The following SRSF4 variants were observed in gnomAD, a reference collection of about 807,000 sequenced individuals.
SRSF4 encodes serine/arginine-rich splicing factor 4.
A neutral mutation model predicts 48.8 loss-of-function variants in SRSF4; 12 were observed. The ratio of observed to expected loss-of-function variants is 0.25; its 90% CI spans 0.16 to 0.40. The LOEUF is 0.40. Ranked by LOEUF, SRSF4 falls within the 10% of genes least tolerant of loss-of-function variation. The pLI, the probability that SRSF4 is intolerant of heterozygous loss-of-function variation, is 1.00. For synonymous variants in SRSF4, 248 were observed against 232.5 expected, an observed-to-expected ratio of 1.07 and a Z score of -0.61; for missense variants, 466 against 667.1, an observed-to-expected ratio of 0.70 and a Z score of 3.32.
At chr1:29,175,691 T>A (rs1295936854) in intron 1 of SRSF4, among the ~76,000 whole-genome samples, 1 of 19,860 alleles carries the variant, frequency 5.0e-5, no homozygotes. Context: ...CCAGACGCTG[T>A]CTCAAAAAAA....
rs1672348519 is a variant in SRSF4 at position 29,148,719 on chromosome 1, C to T, written c.1176G>A (p.Lys392=). 6.2e-7 allele frequency: 1 copy of T among 1,613,668 alleles called. No individual in the cohort carries two copies. Among genetic ancestry groups the T allele is most frequent in the Non-Finnish European group, 8.5e-7 (1 of 1,179,946 alleles). The part of the protein sequence containing the change: ...SKRDSKAGSS[K]KKKKEDTDRS... Reference sequence around the variant, plus strand: ...GGTCAGTGTCTTCCTTCTTCTTCTTCTTGCTGCTGCCCGCCTTGCTGTCTC... The same window carrying T: ...GGTCAGTGTCTTCCTTCTTCTTCTTTTTGCTGCTGCCCGCCTTGCTGTCTC... Residue 392 remains lysine, a synonymous_variant, in exon 6 of 6, where the codon AAG becomes AAA. Transcript: ENST00000373795.
intron 1 of SRSF4, among the ~76,000 whole-genome samples, chr1:29,180,197 T>C (rs1429921875): frequency 1.3e-5 from 2 of 152,170 alleles, no homozygotes; most frequent in Admixed American, 1.3e-4. Context: ...GGCTTCAAAA[T>C]CCACACTTTG....
chr1:29,174,278 G>A (rs537912047), intron 1 of SRSF4, among the ~76,000 whole-genome samples: 13 of 152,186 alleles, frequency 8.5e-5, no homozygotes, highest in African/African-American at 3.1e-4. Context: ...ACCGAGTAAT[G>A]GAATAGCTAG....
chr1:29,161,178 C>G (rs1672588792), intron 1 of SRSF4, among the ~76,000 whole-genome samples: 1 of 152,142 alleles, frequency 6.6e-6, no homozygotes, highest in Admixed American at 6.6e-5. Context: ...CTTTTCCAGC[C>G]AAGAGGTTTG....
At chr1:29,180,762 A>G (rs1174244094) in intron 1 of SRSF4, among the ~76,000 whole-genome samples, 1 of 152,214 alleles carries the variant, frequency 6.6e-6, no homozygotes, top group Non-Finnish European at 1.5e-5. Context: ...TGATTCCTCA[A>G]CAGTTTTCCC....
chr1:29,179,222 G>A (rs1284271802), intron 1 of SRSF4, among the ~76,000 whole-genome samples: 1 of 152,056 alleles, frequency 6.6e-6, no homozygotes, highest in Non-Finnish European at 1.5e-5. Context: ...TAAATTTCTA[G>A]ATTCTTCATA....
chr1:29,150,029 A>C, intron 5 of SRSF4, 74 bp downstream of exon 5: 3 of 1,342,324 alleles, frequency 2.2e-6, no homozygotes, highest in Non-Finnish European at 3.1e-6. Context: ...CTTTGAAAAA[A>C]AAAAGAAAAA....
At chr1:29,151,480 G>C (rs1672406853) in intron 4 of SRSF4, among the ~76,000 whole-genome samples, 1 of 152,152 alleles carries the variant, frequency 6.6e-6, no homozygotes, top group South Asian at 2.1e-4. Context: ...CTGGGCGACA[G>C]AGCAAGAGTC....
intron 2 of SRSF4, 68 bp from the exon 3 acceptor site, chr1:29,159,554 A>AC (rs1304042155): frequency 2.0e-5 from 20 of 1,000,074 alleles, no homozygotes; most frequent in East Asian, 2.6e-5. Context: ...CACAGCACAC[A>AC]CCCCCCCTTA....
At chr1:29,177,283 GT>G (rs397934546) in intron 1 of SRSF4, among the ~76,000 whole-genome samples, 1,582 of 137,810 alleles carry the variant, frequency 0.011, 26 homozygotes, top group African/African-American at 0.039. Flanking sequence ...AACTCTTTTT[GT>G]TTTTTTTTTT....
intron 4 of SRSF4, among the ~76,000 whole-genome samples, chr1:29,152,239 C>T (rs1173493610): frequency 6.6e-6 from 1 of 152,196 alleles, no homozygotes; most frequent in East Asian, 1.9e-4. Context: ...CATACTGAAG[C>T]AGTTGCAGAT....
chr1:29,181,576 G>A, intron 1 of SRSF4, 70 bp downstream of exon 1: 4 of 1,345,002 alleles, frequency 3.0e-6, no homozygotes, highest in East Asian at 2.8e-5. Context: ...TCCCTCTCCC[G>A]TCCCCGCGGC....
intron 1 of SRSF4, 75 bp from the exon 2 acceptor site, chr1:29,160,592 T>G (rs1672579477): frequency 1.3e-6 from 2 of 1,488,930 alleles, no homozygotes; most frequent in African/African-American, 1.4e-5. Context: ...GAGAAAGCAA[T>G]GAGGTTCATG....
intron 1 of SRSF4, among the ~76,000 whole-genome samples, chr1:29,162,322 G>A (rs1672611370): frequency 6.6e-6 from 1 of 152,178 alleles, no homozygotes; most frequent in South Asian, 2.1e-4. Flanking sequence ...GACTTACTAT[G>A]TTCAAAAGTG....
chr1:29,152,124 A>C lies in SRSF4; in HGVS notation c.579-1932T>G, dbSNP rs114183759. Reference sequence around the variant, plus strand: ...AAGACTCCATTTCTACAACAAACAAACAACTGAAAAATTGGAATACAACCT... The same window carrying C: ...AAGACTCCATTTCTACAACAAACAACCAACTGAAAAATTGGAATACAACCT... On this transcript the variant is annotated intron_variant, in intron 4 of 5. Coordinates refer to ENST00000373795, the MANE Select transcript of SRSF4 (RefSeq NM_005626.5). 5.1e-3 allele frequency among the ~76,000 whole-genome samples: 777 copies of C among 152,304 alleles called. 9 individuals carry two copies. The highest frequency in any genetic ancestry group is 0.017 in the African/African-American group (691 of 41,542).
intron 4 of SRSF4, among the ~76,000 whole-genome samples, chr1:29,153,892 T>C (rs34124569): frequency 0.025 from 3,774 of 150,618 alleles, 70 homozygotes; most frequent in Middle Eastern, 0.089. Flanking sequence ...TGAGCCACTG[T>C]GCCCGGCCTC....
At chr1:29,167,636 G>A (rs1672686340) in intron 1 of SRSF4, among the ~76,000 whole-genome samples, 1 of 152,224 alleles carries the variant, frequency 6.6e-6, no homozygotes, top group African/African-American at 2.4e-5. Flanking sequence ...GGCCGCCTCA[G>A]CCTCCCAAAG....
Position 29,148,192 on chromosome 1 carries a change from G to A in SRSF4, c.*218C>T. On this transcript the variant is annotated 3_prime_UTR_variant, in exon 6 of 6. Coordinates refer to ENST00000373795, the MANE Select transcript of SRSF4 (RefSeq NM_005626.5). The stretch of plus-strand genomic sequence containing the variant: ...ATTCTACTGTGGGCCATGAGTAAAA[G>A]GGGATTTTCAAAGAGAAAATTTTTT... The A allele has an allele frequency of 1.4e-6, 1 of 715,854 alleles. No individual in the cohort carries two copies. Among genetic ancestry groups the A allele is most frequent in the Non-Finnish European group, 2.5e-6 (1 of 404,640 alleles). 44.3% of individuals were successfully genotyped at this position (715,854 alleles called of 1,614,324 possible).
intron 1 of SRSF4, among the ~76,000 whole-genome samples, chr1:29,174,865 G>A (rs1335746626): frequency 6.6e-6 from 1 of 151,278 alleles, no homozygotes; most frequent in Non-Finnish European, 1.5e-5. Context: ...GTAGAGACAG[G>A]GTTTCACCAT....
Sources: allele counts gnomAD v4.1 joint callset (sites outside exome capture counted in the v4.1 genomes callset), GRCh38; gene constraint gnomAD v4.1.1; transcripts MANE v1.5; gene names NCBI Gene and HGNC (gene_info 2026-07-23, HGNC 2026-07-21).